The following LRP6 variants were observed in gnomAD, a reference collection of about 807,000 sequenced individuals.
LRP6 encodes the protein LDL receptor related protein 6, also known as low-density lipoprotein receptor-related protein 6.
Under a neutral mutation model 184.1 loss-of-function variants are expected in LRP6, and 43 were observed. The observed-to-expected ratio is 0.23, with a 90% CI of 0.18 to 0.30. The LOEUF is 0.30. Among genes scored for constraint, LRP6 ranks in the 10% least tolerant of loss-of-function variants. LRP6 has a pLI of 1.00. For synonymous variants in LRP6, 719 were observed against 684.9 expected (o/e 1.05, Z -0.78); for missense variants, 1,571 against 2,005.3 (o/e 0.78, Z 4.14).
intron 12 of LRP6, 69 bp downstream of exon 12, chr12:12,158,760 C>T: frequency 4.8e-6 from 7 of 1,472,468 alleles, no homozygotes; most frequent in Non-Finnish European, 6.6e-6. Context: ...AGAAAAAACA[C>T]ACACTAAAGT....
At chr12:12,164,955 A>AAAAAAAAAAAAAAAAAAAAAAT in intron 8 of LRP6, 124 bp downstream of exon 8, 1 of 528,568 alleles carries the variant, frequency 1.9e-6, no homozygotes, top group Non-Finnish European at 3.3e-6. Context: ...AAAAAAAAAA[A>AAAAAAAAAAAAAAAAAAAAAAT]GGCGGGGGGG....
intron 15 of LRP6, 61 bp downstream of exon 15, chr12:12,147,305 C>T (rs1198360151): frequency 1.3e-6 from 2 of 1,560,848 alleles, no homozygotes; most frequent in Non-Finnish European, 1.8e-6. Context: ...GCAAGAAAAA[C>T]ACAATAGATG....
At position 12,249,845 on chromosome 12, in the gene LRP6, G is replaced by T. The variant is rs113917894; in HGVS notation, c.56-5190C>A. On this transcript the variant is annotated intron_variant, in intron 1 of 22. Coordinates refer to ENST00000261349, the MANE Select transcript of LRP6 (RefSeq NM_002336.3). ...TTTTTGTTGGCCATCTCTACCTCCC[G>T]TTAAATTAAATTCATCACCTTTCCC... Among the ~76,000 whole-genome samples, 876 of 152,088 alleles carry T rather than the reference G, an allele frequency of 5.8e-3. 6 individuals are homozygous for T. The highest frequency in any genetic ancestry group is 7.8e-3 in the Non-Finnish European group (532 of 67,976).
chr12:12,257,606 T>G (rs1865497672), intron 1 of LRP6, among the ~76,000 whole-genome samples: 1 of 138,260 alleles, frequency 7.2e-6, no homozygotes. Flanking sequence ...AAAAAGTACT[T>G]GATAGAAAGG....
chr12:12,200,597 G>T (rs1863889013), intron 3 of LRP6, among the ~76,000 whole-genome samples: 2 of 152,122 alleles, frequency 1.3e-5, no homozygotes, highest in African/African-American at 4.8e-5. Flanking sequence ...TCTGCATACT[G>T]CTCCTGATGG....
chr12:12,161,416 T>C (rs1457508661), intron 10 of LRP6, among the ~76,000 whole-genome samples: 2 of 152,100 alleles, frequency 1.3e-5, no homozygotes, highest in Non-Finnish European at 2.9e-5. Flanking sequence ...TACAGACACA[T>C]GCCACCATGC....
At chr12:12,171,053 G>T (rs1211785215) in intron 7 of LRP6, among the ~76,000 whole-genome samples, 2 of 152,088 alleles carry the variant, frequency 1.3e-5, no homozygotes, top group Admixed American at 1.3e-4. Flanking sequence ...CTGCAGTCTA[G>T]ATCAGCCATG....
In LRP6 at chr12:12,121,124, C is replaced by A. The variant is rs754254355; in HGVS notation, c.*2G>T. ...AGGCAGTCAGAGGAGGAGGGCCCCT[C>A]CTCAGGAGGAGTCTGTACAGGGAGA... On this transcript the variant is annotated 3_prime_UTR_variant, in exon 23 of 23. Transcript: ENST00000261349. 2 of 1,595,312 alleles carry A rather than the reference C, an allele frequency of 1.3e-6. No individual in the cohort carries two copies. Among genetic ancestry groups the A allele is most frequent in the East Asian group, 2.2e-5 (1 of 44,480 alleles).
intron 20 of LRP6, 150 bp downstream of exon 20, chr12:12,126,541 A>G: frequency 1.4e-6 from 1 of 692,310 alleles, no homozygotes; most frequent in Admixed American, 2.2e-5. Context: ...GAAGGTGCTA[A>G]TAGTAAAAAA....
intron 3 of LRP6, 122 bp downstream of exon 3, chr12:12,203,081 T>C: frequency 3.0e-6 from 2 of 669,140 alleles, no homozygotes; most frequent in Non-Finnish European, 5.0e-6. Context: ...TAAAAGACTA[T>C]TCTTCTTCCC....
intron 9 of LRP6, among the ~76,000 whole-genome samples, chr12:12,163,634 A>AT (rs1449549504): frequency 6.6e-6 from 1 of 151,806 alleles, no homozygotes; most frequent in Non-Finnish European, 1.5e-5. Flanking sequence ...TAAATCACGA[A>AT]TTTTTTTTTA....
At chr12:12,184,974 A>G (rs550958049) in intron 4 of LRP6, among the ~76,000 whole-genome samples, 1 of 152,310 alleles carries the variant, frequency 6.6e-6, no homozygotes, top group East Asian at 1.9e-4. Flanking sequence ...TTAGTAAAAC[A>G]TAAAGGACCA....
chr12:12,213,481 T>C, intron 2 of LRP6, among the ~76,000 whole-genome samples: 1 of 152,234 alleles, frequency 6.6e-6, no homozygotes, highest in African/African-American at 2.4e-5. Context: ...CTGTTACAAA[T>C]ATTTTTCTTT....
At position 12,187,379 on chromosome 12, in the gene LRP6, C is replaced by G. The variant is rs1292098731; in HGVS notation, c.648-260G>C. Reference sequence around the variant, plus strand: ...GCAGCCTCAAGTTCAGTACAAGATACCCGGCAGAGAGAGAGCACTGCTTTT... The same window carrying G: ...GCAGCCTCAAGTTCAGTACAAGATAGCCGGCAGAGAGAGAGCACTGCTTTT... On this transcript the variant is annotated intron_variant, in intron 3 of 22. Transcript: ENST00000261349. 8.2e-6 allele frequency: 4 copies of G among 486,616 alleles called. No homozygotes were observed. The East Asian group carries it at 1.2e-4, about 14-fold the overall frequency. The allele number at this position is 486,616 out of a possible 1,614,324, so 30.1% of individuals were successfully genotyped here.
intron 7 of LRP6, among the ~76,000 whole-genome samples, chr12:12,170,475 T>A (rs935439697): frequency 6.6e-6 from 1 of 152,146 alleles, no homozygotes; most frequent in African/African-American, 2.4e-5. Context: ...CTAGGTCTCT[T>A]AGAATGTGTT....
chr12:12,264,032 T>C (rs1196962480), intron 1 of LRP6, among the ~76,000 whole-genome samples: 3 of 151,734 alleles, frequency 2.0e-5, no homozygotes, highest in African/African-American at 7.3e-5. Context: ...GTTCAGAGCT[T>C]TGGGAGGATG....
chr12:12,262,557 C>CAA (rs57218812), intron 1 of LRP6, among the ~76,000 whole-genome samples: 5,269 of 74,376 alleles, frequency 0.071, 144 homozygotes, highest in Middle Eastern at 0.26. Flanking sequence ...GACTCCGTCT[C>CAA]AAAAAAAAAA....
At chr12:12,223,393 T>C (rs1021198203) in intron 2 of LRP6, among the ~76,000 whole-genome samples, 2 of 152,300 alleles carry the variant, frequency 1.3e-5, no homozygotes, top group African/African-American at 4.8e-5. Context: ...ATGGCTAAGG[T>C]AGAACCATAC....
intron 7 of LRP6, 28 bp from the exon 8 acceptor site, chr12:12,165,323 G>C (rs1258629807): frequency 6.8e-7 from 1 of 1,467,110 alleles, no homozygotes; most frequent in African/African-American, 1.4e-5. Flanking sequence ...AAAGAGAAGG[G>C]GATGAATTAT....
Sources: gnomAD v4.1 joint callset for allele counts (sites outside exome capture counted in the v4.1 genomes callset) on GRCh38, gnomAD v4.1.1 for gene constraint, MANE v1.5 for transcripts, NCBI Gene and HGNC (gene_info 2026-07-23, HGNC 2026-07-21) for gene names.